FIGN: variants seen among roughly 807,000 people sequenced by gnomAD.
FIGN encodes fidgetin, microtubule severing factor.
Under a neutral mutation model 51.3 loss-of-function variants are expected in FIGN, and 11 were observed. That is an observed-to-expected ratio of 0.21 (90% CI 0.13 to 0.35). FIGN has a LOEUF of 0.35. Ranked by LOEUF, FIGN falls within the 10% of genes least tolerant of loss-of-function variation. The probability of loss-of-function intolerance (pLI) is 1.00; values close to 1 mark genes in which losing one functional copy is unlikely to be tolerated. For synonymous variants in FIGN, 407 were observed against 363.2 expected, an observed-to-expected ratio of 1.12 and a Z score of -1.37; for missense variants, 857 against 943.6, an observed-to-expected ratio of 0.91 and a Z score of 1.20.
chr2:163,693,671 G>C (rs551497012), intron 2 of FIGN, among the ~76,000 whole-genome samples: 1 of 152,078 alleles, frequency 6.6e-6, no homozygotes, highest in South Asian at 2.1e-4. Flanking sequence ...GGTTAGAAAA[G>C]AGAACTGAAA....
chr2:163,629,780 C>G (rs1453010309), intron 2 of FIGN, among the ~76,000 whole-genome samples: 1 of 151,776 alleles, frequency 6.6e-6, no homozygotes, highest in Non-Finnish European at 1.5e-5. Flanking sequence ...GTCTACCAAT[C>G]CTTGCTCTAG....
At chr2:163,668,921 A>C (rs1399271709) in intron 2 of FIGN, among the ~76,000 whole-genome samples, 1 of 151,850 alleles carries the variant, frequency 6.6e-6, no homozygotes, top group Non-Finnish European at 1.5e-5. Flanking sequence ...AGCCTGGGTG[A>C]CAGAGTGAGA....
intron 2 of FIGN, among the ~76,000 whole-genome samples, chr2:163,690,799 T>C (rs1412339830): frequency 1.4e-5 from 2 of 147,888 alleles, no homozygotes; most frequent in Non-Finnish European, 2.9e-5. Flanking sequence ...GATAGAGATA[T>C]ACCAAAAATG....
At chr2:163,627,450 G>A (rs868665335) in intron 2 of FIGN, among the ~76,000 whole-genome samples, 3 of 152,080 alleles carry the variant, frequency 2.0e-5, no homozygotes, top group Non-Finnish European at 4.4e-5. Flanking sequence ...ATAAATCAAG[G>A]GATGGGTCAA....
At chr2:163,653,129 T>C (rs112474208) in intron 2 of FIGN, among the ~76,000 whole-genome samples, 2,819 of 152,248 alleles carry the variant, frequency 0.019, 36 homozygotes, top group Middle Eastern at 0.061. Context: ...TGTAAAGCAG[T>C]ACCTACCTCA....
At chr2:163,733,987 G>T (rs1235697278) in intron 2 of FIGN, among the ~76,000 whole-genome samples, 1 of 148,644 alleles carries the variant, frequency 6.7e-6, no homozygotes, top group African/African-American at 2.5e-5. Context: ...CATATCCTTT[G>T]GTTATGCAAA....
intron 2 of FIGN, among the ~76,000 whole-genome samples, chr2:163,700,280 A>T (rs114608732): frequency 0.014 from 2,177 of 152,258 alleles, 30 homozygotes; most frequent in Middle Eastern, 0.058. Flanking sequence ...TATGTAACTG[A>T]CAAAAAAGTG....
In FIGN at chr2:163,611,101, C is replaced by T; in HGVS notation, c.731G>A (p.Ser244Asn). The T allele has an allele frequency of 6.2e-7, 1 of 1,614,104 alleles. No homozygotes were observed. Among genetic ancestry groups the T allele is most frequent in the African/African-American group, 1.3e-5 (1 of 75,026 alleles). ...PGYNGTSNLS[S>N]YSYPSASYPP... ...ATAGCTAGCAGACGGATAGCTGTAACTGGAGAGGTTAGAAGTCCCATTGTA... is the reference window on the plus strand; with the variant it reads ...ATAGCTAGCAGACGGATAGCTGTAATTGGAGAGGTTAGAAGTCCCATTGTA... Residue 244 changes from serine (S) to asparagine (N), a missense_variant, in exon 3 of 3, where the codon AGT becomes AAT. Around this residue, in one of 3 missense-constraint regions of FIGN, gnomAD observed 799 missense variants for 849.5 expected, o/e 0.94. Coordinates refer to ENST00000333129, the MANE Select transcript of FIGN (RefSeq NM_018086.4).
intron 2 of FIGN, among the ~76,000 whole-genome samples, chr2:163,614,536 TAC>T (rs1682836808): frequency 6.6e-6 from 1 of 151,896 alleles, no homozygotes; most frequent in East Asian, 1.9e-4. Context: ...ATTATCAAAA[TAC>T]AGAGTAGAGA....
chr2:163,658,364 G>GCTCTCTCTCTCTCTCT (rs55894952), intron 2 of FIGN, among the ~76,000 whole-genome samples: 9 of 137,702 alleles, frequency 6.5e-5, no homozygotes, highest in African/African-American at 2.2e-4. Flanking sequence ...TTAAGAAACA[G>GCTCTCTCTCTCTCTCT]CTCTCTCTCT....
rs1490839889 is a variant in FIGN at position 163,610,220 on chromosome 2, A to G, written c.1612T>C (p.Cys538Arg). The G allele has an allele frequency of 1.9e-6, 3 of 1,614,152 alleles. No individual in the cohort carries two copies. Among genetic ancestry groups the G allele is most frequent in the African/African-American group, 1.3e-5 (1 of 75,030 alleles). Residue 538 changes from cysteine to arginine, a missense_variant, in exon 3 of 3, where the codon TGC becomes CGC. By Grantham distance (180) the Cys-to-Arg change is radical (BLOSUM62 -3). Around this residue, in one of 3 missense-constraint regions of FIGN, gnomAD observed 799 missense variants for 849.5 expected, o/e 0.94. Transcript: ENST00000333129. The part of the protein sequence containing the change: ...RGTGKTLLGR[C>R]IASQLGATFF... ...GTGGCCCCCAGCTGACTAGCGATGC[A>G]TCTGCCCAATAATGTTTTGCCTGTC...
Position 163,611,037 on chromosome 2 carries a change from C to G in FIGN, c.795G>C (p.Gly265=), listed in dbSNP as rs756271439. Residue 265 remains glycine (G), a synonymous_variant, in exon 3 of 3, where the codon GGG becomes GGC. Coordinates refer to ENST00000333129, the MANE Select transcript of FIGN (RefSeq NM_018086.4). ...QTAVGSGYSP[G]GAPPPPSAYL... is the part of the protein sequence containing the mutation. ...ACGCTGAAGGCGGAGGCGGTGCCCCCCCAGGGCTGTACCCAGACCCCACAG... is the reference window on the plus strand; with the variant it reads ...ACGCTGAAGGCGGAGGCGGTGCCCCGCCAGGGCTGTACCCAGACCCCACAG... The G allele has an allele frequency of 6.2e-7, 1 of 1,613,882 alleles. No individual in the cohort carries two copies. Among genetic ancestry groups the G allele is most frequent in the East Asian group, 2.2e-5 (1 of 44,846 alleles).
chr2:163,654,593 T>G (rs1326305449), intron 2 of FIGN, among the ~76,000 whole-genome samples: 2 of 152,030 alleles, frequency 1.3e-5, no homozygotes, highest in African/African-American at 4.8e-5. Context: ...CAGGATGAAA[T>G]GGATTGGGAT....
chr2:163,733,566 A>T (rs1380572264), intron 2 of FIGN, among the ~76,000 whole-genome samples: 3 of 152,228 alleles, frequency 2.0e-5, no homozygotes, highest in Non-Finnish European at 4.4e-5. Context: ...GGGGGAAAAA[A>T]AGCTGTGCTC....
At chr2:163,634,896 T>C (rs1447664522) in intron 2 of FIGN, among the ~76,000 whole-genome samples, 1 of 152,214 alleles carries the variant, frequency 6.6e-6, no homozygotes, top group Admixed American at 6.5e-5. Flanking sequence ...GTCTTTTTCA[T>C]TTTATGTTCC....
chr2:163,720,696 G>C (rs1278485865), intron 2 of FIGN, among the ~76,000 whole-genome samples: 2 of 152,100 alleles, frequency 1.3e-5, no homozygotes, highest in Admixed American at 6.6e-5. Context: ...GATGGTGTCT[G>C]TATGGAGCTA....
At chr2:163,691,460 GA>G (rs1330643957) in intron 2 of FIGN, among the ~76,000 whole-genome samples, 1 of 152,014 alleles carries the variant, frequency 6.6e-6, no homozygotes, top group Non-Finnish European at 1.5e-5. Flanking sequence ...CTAGTTCCAG[GA>G]GGCACCTGAG....
chr2:163,618,599 A>G (rs1291715199), intron 2 of FIGN, among the ~76,000 whole-genome samples: 2 of 152,048 alleles, frequency 1.3e-5, no homozygotes, highest in Non-Finnish European at 2.9e-5. Context: ...TATGTTTTAA[A>G]AGATCCGTCT....
chr2:163,623,579 T>TA (rs1398191705), intron 2 of FIGN, among the ~76,000 whole-genome samples: 1 of 152,186 alleles, frequency 6.6e-6, no homozygotes, highest in Non-Finnish European at 1.5e-5. Context: ...TTAATAGAAT[T>TA]AATGGTGAGT....
Sources: gnomAD v4.1 joint callset for allele counts (sites outside exome capture counted in the v4.1 genomes callset) on GRCh38, gnomAD v4.1.1 for gene constraint, gnomAD v4.1.1 regional missense constraint, MANE v1.5 for transcripts, NCBI Gene and HGNC (gene_info 2026-07-23, HGNC 2026-07-21) for gene names.